The following URB1 variants were observed in gnomAD, a reference collection of about 807,000 sequenced individuals.
URB1 encodes the protein nucleolar pre-ribosomal-associated protein 1.
A neutral mutation model predicts 242.3 loss-of-function variants in URB1; 197 were observed. The ratio of observed to expected loss-of-function variants is 0.81; its 90% CI spans 0.72 to 0.91. URB1 has a LOEUF of 0.91. Among genes scored for constraint, URB1 ranks in the 40% least tolerant of loss-of-function variants. The pLI, the probability that URB1 is intolerant of heterozygous loss-of-function variation, is 0.00. For missense variants in URB1, 2,721 were observed against 2,860.5 expected, an observed-to-expected ratio of 0.95 and a Z score of 1.11; for synonymous variants, 1,153 against 1,201.8, an observed-to-expected ratio of 0.96 and a Z score of 0.84.
chr21:32,339,577 G>A (rs1319340066), intron 25 of URB1, among the ~76,000 whole-genome samples: 2 of 149,140 alleles, frequency 1.3e-5, no homozygotes, highest in Admixed American at 6.8e-5. Flanking sequence ...TGCAAGCTCC[G>A]CCTCCCGGGT....
At position 32,319,320 on chromosome 21, in the gene URB1, G is replaced by C. The variant is rs763026390; in HGVS notation, c.5689C>G (p.Gln1897Glu). The C allele has an allele frequency of 1.9e-6, 3 of 1,551,220 alleles. No individual in the cohort carries two copies. The highest frequency in any genetic ancestry group is 2.6e-6 in the Non-Finnish European group (3 of 1,146,828). ...TGGGAGCTAGGCTGGCAAAGGCGCT[G>C]GCTCTCCCACTCCACTGCCTTGTCC... ...LGDKAVEWES[Q>E]RLCQPSSQEP... is the part of the protein sequence containing the mutation. The change falls in exon 36 of 39, where the codon CAG becomes GAG. Residue 1897 changes from glutamine (Q) to glutamate (E), a missense_variant. Gln to Glu is a conservative substitution (Grantham distance 29). Coordinates refer to ENST00000382751, the MANE Select transcript of URB1 (RefSeq NM_014825.3).
At chr21:32,329,996 C>T (rs1391932763) in intron 30 of URB1, among the ~76,000 whole-genome samples, 1 of 152,184 alleles carries the variant, frequency 6.6e-6, no homozygotes, top group Admixed American at 6.5e-5. Context: ...ATGCCCTGAT[C>T]TCACTGGTGG....
chr21:32,382,121 C>T (rs1166764213), intron 4 of URB1, among the ~76,000 whole-genome samples: 2 of 152,112 alleles, frequency 1.3e-5, no homozygotes, highest in Non-Finnish European at 2.9e-5. Context: ...GAAGCCCTTT[C>T]CCACGCTGTC....
intron 11 of URB1, 108 bp downstream of exon 11, chr21:32,363,048 C>G (rs143254135): frequency 3.9e-4 from 553 of 1,400,790 alleles, no homozygotes; most frequent in Middle Eastern, 3.1e-3. Context: ...CCTGTCCAAC[C>G]CTGCGGCTCC....
rs1469288454 is a variant in URB1, at chr21:32,345,438, T to G, written c.4006A>C (p.Lys1336Gln). 6.4e-7 allele frequency: 1 copy of G among 1,551,342 alleles called. No individual in the cohort carries two copies. Among genetic ancestry groups the G allele is most frequent in the African/African-American group, 1.4e-5 (1 of 72,954 alleles). ...CGGTCCATGAGTACACTGAGATCCTTGGCTCGTGCAAACGGGACCAGCTGT... is the reference window on the plus strand; with the variant it reads ...CGGTCCATGAGTACACTGAGATCCTGGGCTCGTGCAAACGGGACCAGCTGT... ...LAQLVPFARA[K>Q]DLSVLMDRLP... The change falls in exon 23 of 39, where the codon AAG (lysine) becomes CAG (glutamine). Residue 1336 changes from lysine to glutamine, a missense_variant. By Grantham distance (53) the Lys-to-Gln change is moderately conservative. Coordinates refer to ENST00000382751, the MANE Select transcript of URB1 (RefSeq NM_014825.3).
Position 32,347,294 on chromosome 21 carries a change from G to A in URB1, c.3530C>T (p.Ser1177Phe), listed in dbSNP as rs2033101566. 1 of 1,551,164 alleles carries A rather than the reference G, an allele frequency of 6.4e-7. No individual in the cohort carries two copies. The highest frequency in any genetic ancestry group is 8.7e-7 in the Non-Finnish European group (1 of 1,146,988). ...CCCCAGGCCTCTCACATACTCGGAG[G>A]ACCACAGGAGCTCACCACTCTGCAG... is the stretch of plus-strand genomic sequence containing the variant. The part of the protein sequence containing the change: ...DQLQSGELLW[S>F]SEYVRGLGAL... The change falls in exon 22 of 39, where the codon TCC becomes TTC. Residue 1177 changes from serine to phenylalanine, a missense_variant. Coordinates refer to ENST00000382751, the MANE Select transcript of URB1 (RefSeq NM_014825.3).
intron 8 of URB1, among the ~76,000 whole-genome samples, chr21:32,371,907 A>T (rs915756313): frequency 2.0e-5 from 3 of 152,202 alleles, no homozygotes; most frequent in Non-Finnish European, 4.4e-5. Context: ...TTTGAACTTA[A>T]TATGTTTCCT....
At chr21:32,348,153 G>GCTCTCTAT (rs1399334808) in intron 21 of URB1, among the ~76,000 whole-genome samples, 6 of 152,218 alleles carry the variant, frequency 3.9e-5, no homozygotes, top group Non-Finnish European at 8.8e-5. Flanking sequence ...TGGGAAAAGT[G>GCTCTCTAT]CTCTCTATGG....
intron 28 of URB1, among the ~76,000 whole-genome samples, chr21:32,336,620 C>A (rs1473540167): frequency 6.6e-6 from 1 of 152,144 alleles, no homozygotes; most frequent in Non-Finnish European, 1.5e-5. Flanking sequence ...CCAGGAAAGA[C>A]AGACATGTAC....
At chr21:32,349,245 A>AAG in intron 21 of URB1, 59 bp downstream of exon 21, 1 of 1,446,868 alleles carries the variant, frequency 6.9e-7, no homozygotes, top group Non-Finnish European at 9.1e-7. Context: ...ATCAGAAGTG[A>AAG]AGAGAAAGCC....
chr21:32,384,976 G>A (rs144710383), intron 2 of URB1, among the ~76,000 whole-genome samples: 1,736 of 150,684 alleles, frequency 0.012, 39 homozygotes, highest in African/African-American at 0.04. Flanking sequence ...GTGAGACTCC[G>A]TCTCAAAAAT....
Position 32,337,131 on chromosome 21 carries a change from C to G in URB1, c.4648G>C (p.Ala1550Pro). Residue 1550 changes from alanine to proline, a missense_variant, in exon 28 of 39, where the codon GCG (alanine) becomes CCG (proline). By Grantham distance (27) the Ala-to-Pro change is conservative. Coordinates refer to ENST00000382751, the MANE Select transcript of URB1 (RefSeq NM_014825.3). Reference protein sequence around the residue: ...LDQKILLLLRAYEQNKLSLIN... With the variant: ...LDQKILLLLRPYEQNKLSLIN... ...AGGCTGAGCTTGTTCTGCTCATACG[C>G]TCGAAGCAGAAGTAAAATCTTCTGA... is the stretch of plus-strand genomic sequence containing the variant. 1 of 1,551,866 alleles carries G rather than the reference C, an allele frequency of 6.4e-7. No homozygotes were observed. Among genetic ancestry groups the G allele is most frequent in the East Asian group, 2.4e-5 (1 of 40,920 alleles).
chr21:32,354,221 TG>T (rs563897804), intron 17 of URB1, 118 bp from the exon 18 acceptor site: 3 of 1,150,814 alleles, frequency 2.6e-6, no homozygotes, highest in Non-Finnish European at 2.4e-6. Flanking sequence ...AAATTCCTCT[TG>T]GGGGGAGCAT....
rs147007566 is a variant in URB1, at chr21:32,347,931, A to G, written c.3013-120T>C. 1.6e-4 allele frequency: 230 copies of G among 1,395,520 alleles called. 1 individual carries two copies. In the East Asian group the frequency reaches 5.3e-3, roughly 32 times the overall value. 86.4% of individuals were successfully genotyped at this position (1,395,520 alleles called of 1,614,324 possible). ...ACAGAGAGCAGAAGGCCCCTTTCCT[A>G]ATCCATTCCATCCTCAAGCCTACAT... On this transcript the variant is annotated intron_variant, in intron 21 of 38. Coordinates refer to ENST00000382751, the MANE Select transcript of URB1 (RefSeq NM_014825.3).
intron 30 of URB1, among the ~76,000 whole-genome samples, chr21:32,326,598 A>G (rs972798988): frequency 2.6e-5 from 4 of 152,038 alleles, no homozygotes; most frequent in Non-Finnish European, 4.4e-5. Context: ...AGGTGATTGG[A>G]TCTCGGGGCA....
In URB1 at chr21:32,335,243, CT is replaced by C. The variant is rs543744124; in HGVS notation, c.4686-910del. ...TGTCCTGAGTTTCCACTCCTGCATG[CT>C]GTTTCCTCCTCCTGCTGCCCCAGGC... On this transcript the variant is annotated intron_variant, in intron 28 of 38. Transcript: ENST00000382751. 2.8e-3 allele frequency: 429 copies of C among 153,606 alleles called. 2 individuals are homozygous for C. Among genetic ancestry groups the C allele is most frequent in the South Asian group, 0.017 (81 of 4,858 alleles). The allele number at this position is 153,606 out of a possible 1,614,324, so 9.5% of individuals were successfully genotyped here.
At position 32,338,718 on chromosome 21, in the gene URB1, C is replaced by T; in HGVS notation, c.4499G>A (p.Ser1500Asn). ...GGGTGAGGGGTCACCTTTTACTTGG[C>T]TGTCCGGGCTCTCCTCTCCGTCAGA... is the stretch of plus-strand genomic sequence containing the variant. ...LTSDGEESPD[S>N]QVKEALVDLM... The change falls in exon 26 of 39, where the codon AGC becomes AAC. Residue 1500 changes from serine (S) to asparagine (N), a missense_variant. Ser to Asn is a conservative substitution (Grantham distance 46). Transcript: ENST00000382751. The T allele has an allele frequency of 1.9e-6, 3 of 1,551,272 alleles. No homozygotes were observed. The highest frequency in any genetic ancestry group is 2.6e-6 in the Non-Finnish European group (3 of 1,146,930).
chr21:32,368,484 G>C lies in URB1; in HGVS notation c.1116C>G (p.Asn372Lys). The change falls in exon 9 of 39, where the codon AAC (asparagine) becomes AAG (lysine). Residue 372 changes from asparagine to lysine, a missense_variant. Coordinates refer to ENST00000382751, the MANE Select transcript of URB1 (RefSeq NM_014825.3). ...NILKVCPDLLNKYFKEVTFSF... is the reference protein window; with the variant it reads ...NILKVCPDLLKKYFKEVTFSF... Reference sequence around the variant, plus strand: ...AAAACGTTACTTCCTTGAAGTATTTGTTCAGTAAGTCCGGGCACACTTTGA... The same window carrying C: ...AAAACGTTACTTCCTTGAAGTATTTCTTCAGTAAGTCCGGGCACACTTTGA... The C allele has an allele frequency of 6.4e-7, 1 of 1,551,892 alleles. No individual in the cohort carries two copies. The highest frequency in any genetic ancestry group is 8.7e-7 in the Non-Finnish European group (1 of 1,147,042).
intron 30 of URB1, among the ~76,000 whole-genome samples, chr21:32,327,616 C>A (rs940343896): frequency 4.6e-5 from 7 of 152,116 alleles, no homozygotes; most frequent in African/African-American, 1.7e-4. Flanking sequence ...TGGCAAATAT[C>A]AAATATTTAC....
Sources: allele counts gnomAD v4.1 joint callset (sites outside exome capture counted in the v4.1 genomes callset), GRCh38; gene constraint gnomAD v4.1.1; transcripts MANE v1.5; gene names NCBI Gene and HGNC (gene_info 2026-07-23, HGNC 2026-07-21).